Variants in XPO4 observed in about 807,000 individuals in gnomAD.
XPO4 encodes exportin 4, also known as exportin-4.
In XPO4, 39 loss-of-function variants were observed where a neutral mutation model predicts 143.0. That is an observed-to-expected ratio of 0.27 (90% CI 0.21 to 0.36). The LOEUF (loss-of-function observed/expected upper bound fraction) is 0.36, where lower values mean the gene tolerates loss of function less well. Ranked by LOEUF, XPO4 falls within the 10% of genes least tolerant of loss-of-function variation. XPO4 has a pLI of 1.00. For missense variants in XPO4, 907 were observed against 1,348.0 expected, an observed-to-expected ratio of 0.67 and a Z score of 5.12; for synonymous variants, 439 against 474.0, an observed-to-expected ratio of 0.93 and a Z score of 0.96.
chr13:20,825,848 G>C (rs1416203108), intron 7 of XPO4, among the ~76,000 whole-genome samples: 1 of 152,154 alleles, frequency 6.6e-6, no homozygotes, highest in Non-Finnish European at 1.5e-5. Flanking sequence ...TTAATGCTCA[G>C]TCTGAATATT....
chr13:20,783,657 G>T lies in XPO4; in HGVS notation c.*65C>A, dbSNP rs2059165806. On this transcript the variant is annotated 3_prime_UTR_variant, in exon 23 of 23. Transcript: ENST00000255305. ...AACTGAGGAATAGGACAAGACTCAA[G>T]TCAACTTTCAGCAATTCAGTGCACT... The T allele has an allele frequency of 6.4e-7, 1 of 1,562,208 alleles. No individual in the cohort carries two copies. The highest frequency in any genetic ancestry group is 2.2e-5 in the East Asian group (1 of 44,606).
intron 1 of XPO4, among the ~76,000 whole-genome samples, chr13:20,870,435 T>TA (rs35577937): frequency 0.36 from 52,955 of 147,024 alleles, 10,451 homozygotes; most frequent in Non-Finnish European, 0.46. Flanking sequence ...CCATCTCAAT[T>TA]AAAAAAAAAA....
rs1321121308 is a variant in XPO4, at chr13:20,809,983, A to C, written c.1174-16T>G. ...CTTTATCAAGCTAAAAGAAAAGAAC[A>C]CTCATAAAACAAATGTCCAGAGAAC... is the stretch of plus-strand genomic sequence containing the variant. On this transcript the variant is annotated splice_polypyrimidine_tract_variant and intron_variant, in intron 9 of 22. Coordinates refer to ENST00000255305, the MANE Select transcript of XPO4 (RefSeq NM_022459.5). 4 of 1,577,002 alleles carry C rather than the reference A, an allele frequency of 2.5e-6. No individual in the cohort carries two copies. In the Admixed American group the frequency reaches 7.3e-5, roughly 29 times the overall value.
intron 16 of XPO4, among the ~76,000 whole-genome samples, chr13:20,798,815 T>C (rs1188464007): frequency 1.3e-5 from 2 of 150,378 alleles, no homozygotes; most frequent in Non-Finnish European, 3.0e-5. Flanking sequence ...AGGCCAGGAG[T>C]TCGAGACCAG....
At chr13:20,794,918 C>A (rs1595060517) in intron 18 of XPO4, among the ~76,000 whole-genome samples, 1 of 147,874 alleles carries the variant, frequency 6.8e-6, no homozygotes, top group Non-Finnish European at 1.5e-5. Flanking sequence ...TAGTTAACTG[C>A]AAAAAAAATA....
chr13:20,868,935 G>C (rs2060267851), intron 1 of XPO4, among the ~76,000 whole-genome samples: 1 of 151,994 alleles, frequency 6.6e-6, no homozygotes, highest in Non-Finnish European at 1.5e-5. Flanking sequence ...ATCCTTTAAA[G>C]GTTTTTAAAA....
At chr13:20,800,040 A>G in intron 15 of XPO4, 116 bp downstream of exon 15, 1 of 1,182,212 alleles carries the variant, frequency 8.5e-7, no homozygotes, top group Non-Finnish European at 1.1e-6. Context: ...TGTAGGCTCT[A>G]TCTGGAATTA....
chr13:20,805,637 G>T (rs1271353813), intron 13 of XPO4, among the ~76,000 whole-genome samples: 1 of 152,074 alleles, frequency 6.6e-6, no homozygotes, highest in African/African-American at 2.4e-5. Context: ...AATCCCTACT[G>T]ATACTCACTC....
intron 9 of XPO4, among the ~76,000 whole-genome samples, chr13:20,810,760 A>T (rs2059571969): frequency 1.3e-5 from 2 of 152,192 alleles, no homozygotes; most frequent in Non-Finnish European, 2.9e-5. Flanking sequence ...ATGTAACTAG[A>T]CCTGTATGAG....
chr13:20,787,605 A>T lies in XPO4; in HGVS notation c.3048-7T>A. ...GCAAACCTCCGAACTCATTCTGATC[A>T]TGAAGGTCAAAGAACAAACTAGATT... On this transcript the variant is annotated splice_region_variant and splice_polypyrimidine_tract_variant and intron_variant, in intron 20 of 22. Transcript: ENST00000255305. The T allele has an allele frequency of 6.2e-7, 1 of 1,612,810 alleles. No homozygotes were observed.
At chr13:20,902,616 A>G in intron 1 of XPO4, 54 bp downstream of exon 1, 1 of 1,507,046 alleles carries the variant, frequency 6.6e-7, no homozygotes, top group Non-Finnish European at 8.9e-7. Flanking sequence ...CTGGAGTGGC[A>G]GGGCCGACCG....
intron 6 of XPO4, among the ~76,000 whole-genome samples, chr13:20,840,197 C>CTTTTA (rs547438353): frequency 0.014 from 2,168 of 151,598 alleles, 51 homozygotes; most frequent in African/African-American, 0.049. Flanking sequence ...GACAAATCAC[C>CTTTTA]TTTTATTTTA....
chr13:20,902,053 C>T, intron 1 of XPO4: 2 of 983,836 alleles, frequency 2.0e-6, no homozygotes, highest in African/African-American at 1.7e-5. Context: ...CTCCAAATCG[C>T]GGGAGCTTTA....
chr13:20,821,984 G>A, intron 8 of XPO4, 106 bp from the exon 9 acceptor site: 1 of 1,364,746 alleles, frequency 7.3e-7, no homozygotes, highest in Non-Finnish European at 9.8e-7. Context: ...ATTTTAAAAG[G>A]TATGTCTCTG....
In XPO4 at chr13:20,778,859, A is replaced by G. The variant is rs776295929; in HGVS notation, c.*4863T>C. ...CTAAATACCCATGAACAAATCACAC[A>G]TGGTCAAAACAAAAATGTAATAAAA... On this transcript the variant is annotated 3_prime_UTR_variant, in exon 23 of 23. Coordinates refer to ENST00000255305, the MANE Select transcript of XPO4 (RefSeq NM_022459.5). 7.9e-5 allele frequency: 12 copies of G among 152,228 alleles called. No homozygotes were observed. Among genetic ancestry groups the G allele is most frequent in the African/African-American group, 9.6e-5 (4 of 41,456 alleles). 9.4% of individuals were successfully genotyped at this position (152,228 alleles called of 1,614,324 possible). A position where few individuals can be genotyped will look rare whatever the true frequency, so the allele number is the denominator to read the frequency against.
chr13:20,782,017 T>C lies in XPO4; in HGVS notation c.*1705A>G, dbSNP rs969008693. The C allele has an allele frequency of 3.3e-5, 5 of 152,262 alleles. No homozygotes were observed. The highest frequency in any genetic ancestry group is 9.6e-5 in the African/African-American group (4 of 41,472). The allele number at this position is 152,262 out of a possible 1,614,324, so 9.4% of individuals were successfully genotyped here. A position where few individuals can be genotyped will look rare whatever the true frequency, so the allele number is the denominator to read the frequency against. On this transcript the variant is annotated 3_prime_UTR_variant, in exon 23 of 23. Coordinates refer to ENST00000255305, the MANE Select transcript of XPO4 (RefSeq NM_022459.5). ...TCAAGATGTTTTTGCTTCCCCTTAA[T>C]TGTGACTCAAAGCTAATCAAATTGA...
intron 1 of XPO4, 65 bp downstream of exon 1, chr13:20,902,605 C>A (rs2060632499): frequency 6.7e-7 from 1 of 1,498,008 alleles, no homozygotes; most frequent in Non-Finnish European, 8.9e-7. Flanking sequence ...AGCAGCAAGG[C>A]CTGGAGTGGC....
At chr13:20,861,294 CCT>C (rs1491588007) in intron 3 of XPO4, among the ~76,000 whole-genome samples, 237 of 102,816 alleles carry the variant, frequency 2.3e-3, no homozygotes, top group Non-Finnish European at 2.4e-3. Context: ...TGATAGTTTT[CCT>C]CTTTTTTTTT....
At chr13:20,869,579 A>G (rs923974264) in intron 1 of XPO4, 5 of 823,916 alleles carry the variant, frequency 6.1e-6, no homozygotes, top group Middle Eastern at 6.1e-4. Context: ...AAATGTTACA[A>G]TCAATTATAT....
Sources: gnomAD v4.1 joint callset for allele counts (sites outside exome capture counted in the v4.1 genomes callset) on GRCh38, gnomAD v4.1.1 for gene constraint, MANE v1.5 for transcripts, NCBI Gene and HGNC (gene_info 2026-07-23, HGNC 2026-07-21) for gene names.